Variants in BAZ1B observed in about 807,000 individuals in gnomAD.
BAZ1B encodes the protein tyrosine-protein kinase BAZ1B.
In BAZ1B, 22 loss-of-function variants were observed where a neutral mutation model predicts 153.8. The ratio of observed to expected loss-of-function variants is 0.14; its 90% confidence interval spans 0.10 to 0.20. The LOEUF (loss-of-function observed/expected upper bound fraction) is 0.20. Among genes scored for constraint, BAZ1B ranks in the 10% least tolerant of loss-of-function variants. The pLI, the probability that BAZ1B is intolerant of heterozygous loss-of-function variation, is 1.00. For missense variants in BAZ1B, 1,325 were observed against 1,799.3 expected, an observed-to-expected ratio of 0.74 and a Z score of 4.77; for synonymous variants, 676 against 633.4, an observed-to-expected ratio of 1.07 and a Z score of -1.01.
chr7:73,449,491 C>G (rs368673994), intron 15 of BAZ1B, 51 bp downstream of exon 15: 19 of 1,555,102 alleles, frequency 1.2e-5, no homozygotes, highest in Non-Finnish European at 1.6e-5. Flanking sequence ...TTAATTATAA[C>G]AGCTATTCAT....
At chr7:73,480,347 T>A (rs1554573513) in intron 6 of BAZ1B, among the ~76,000 whole-genome samples, 2 of 152,072 alleles carry the variant, frequency 1.3e-5, no homozygotes, top group African/African-American at 2.4e-5. Flanking sequence ...AGTTAACAGG[T>A]TACAGTCCGG....
chr7:73,505,761 G>A (rs1790312687), intron 3 of BAZ1B, among the ~76,000 whole-genome samples: 2 of 152,180 alleles, frequency 1.3e-5, no homozygotes, highest in South Asian at 2.1e-4. Flanking sequence ...ATGTTGGCCA[G>A]GCTGGTCTCA....
intron 1 of BAZ1B, among the ~76,000 whole-genome samples, chr7:73,511,069 C>T (rs903987228): frequency 6.6e-6 from 1 of 152,042 alleles, no homozygotes; most frequent in Non-Finnish European, 1.5e-5. Flanking sequence ...CAGATCGAGA[C>T]CAGCCTGGCT....
At chr7:73,448,199 G>T (rs1554567053) in intron 15 of BAZ1B, among the ~76,000 whole-genome samples, 1 of 152,172 alleles carries the variant, frequency 6.6e-6, no homozygotes, top group Non-Finnish European at 1.5e-5. Context: ...AGCTACTCGG[G>T]AGGCTGAGGC....
chr7:73,475,225 T>C (rs1554572582), intron 7 of BAZ1B, among the ~76,000 whole-genome samples: 5 of 152,212 alleles, frequency 3.3e-5, no homozygotes, highest in Non-Finnish European at 7.3e-5. Context: ...TCCGAGGTAT[T>C]TACTCTAAAG....
rs1408343663 is a variant in BAZ1B at position 73,469,272 on chromosome 7, AC to A, written c.2866+244del. Among the ~76,000 whole-genome samples, 7 of 152,302 alleles carry A rather than the reference AC, an allele frequency of 4.6e-5. No individual in the cohort carries two copies. The South Asian group carries it at 1.0e-3, about 23-fold the overall frequency. ...GAAAACTGCTCCTATAAAAGCTAAT[AC>A]CCAAATATCCTCATATTCAAGCTCT... On this transcript the variant is annotated intron_variant, in intron 9 of 19. Transcript: ENST00000339594.
intron 5 of BAZ1B, 115 bp downstream of exon 5, chr7:73,492,685 A>T: frequency 4.7e-6 from 5 of 1,054,046 alleles, no homozygotes; most frequent in Non-Finnish European, 6.7e-6. Context: ...ACCACTCAGA[A>T]TCTGCTGTAC....
intron 6 of BAZ1B, among the ~76,000 whole-genome samples, chr7:73,483,123 A>G (rs1225969042): frequency 2.6e-5 from 4 of 152,218 alleles, no homozygotes; most frequent in Non-Finnish European, 5.9e-5. Context: ...CTAAACAGAA[A>G]AAAATATTTA....
In BAZ1B at chr7:73,450,050, CTCTT is replaced by C. The variant is rs1255256471; in HGVS notation, c.3581-365_3581-362del. 1.3e-5 allele frequency among the ~76,000 whole-genome samples: 2 copies of C among 151,066 alleles called. No homozygotes were observed. Among genetic ancestry groups the C allele is most frequent in the East Asian group, 3.9e-4 (2 of 5,160 alleles). On this transcript the variant is annotated intron_variant, in intron 14 of 19. Transcript: ENST00000339594. The surrounding 1 kb of genome is among the most constrained non-coding windows in gnomAD (Gnocchi z 4.1). ...TATGCCTGATGAGTGTTCTCTCTCT[CTCTT>C]TTTTTTTTTTGGAGACAGAGTCTTG...
intron 12 of BAZ1B, among the ~76,000 whole-genome samples, chr7:73,462,204 T>C (rs570668929): frequency 6.6e-6 from 1 of 152,070 alleles, no homozygotes; most frequent in Admixed American, 6.6e-5. Context: ...GCCACTGTAC[T>C]TCAGCCTGGG....
intron 16 of BAZ1B, among the ~76,000 whole-genome samples, chr7:73,446,101 C>T (rs782199754): frequency 5.9e-5 from 9 of 152,128 alleles, no homozygotes; most frequent in South Asian, 2.1e-4. Flanking sequence ...CAGGAGAAGA[C>T]GGGCAAGCCC....
intron 3 of BAZ1B, among the ~76,000 whole-genome samples, chr7:73,500,936 C>T (rs1554577041): frequency 6.7e-6 from 1 of 150,252 alleles, no homozygotes; most frequent in African/African-American, 2.5e-5. Context: ...GCAAAGCAAC[C>T]CTTATGATAA....
chr7:73,482,167 G>A (rs1054412455), intron 6 of BAZ1B, among the ~76,000 whole-genome samples: 6 of 152,172 alleles, frequency 3.9e-5, no homozygotes, highest in African/African-American at 1.4e-4. Context: ...CCATGACTCC[G>A]GGATTACTTT....
At chr7:73,475,354 A>G (rs1788957380) in intron 7 of BAZ1B, among the ~76,000 whole-genome samples, 1 of 152,256 alleles carries the variant, frequency 6.6e-6, no homozygotes, top group Non-Finnish European at 1.5e-5. Flanking sequence ...GAGAAACAAA[A>G]CGTGGTATAT....
At chr7:73,499,837 T>C (rs781995067) in intron 3 of BAZ1B, among the ~76,000 whole-genome samples, 1 of 152,250 alleles carries the variant, frequency 6.6e-6, no homozygotes, top group Non-Finnish European at 1.5e-5. Context: ...GATACTTACA[T>C]AGCCCCTTCA....
chr7:73,488,497 C>T (rs1301162449), intron 6 of BAZ1B, among the ~76,000 whole-genome samples: 2 of 151,910 alleles, frequency 1.3e-5, no homozygotes, highest in African/African-American at 2.4e-5. Flanking sequence ...TTTGGGAGGC[C>T]GAGGCAGGCG....
At chr7:73,459,858 T>C (rs2116274897) in intron 12 of BAZ1B, 140 bp from the exon 13 acceptor site, 4 of 741,452 alleles carry the variant, frequency 5.4e-6, no homozygotes, top group Admixed American at 5.9e-5. Context: ...ATACCATTAA[T>C]TTAACTGTGC....
At chr7:73,447,116 C>T (rs1361860490) in intron 16 of BAZ1B, 148 bp downstream of exon 16, 5 of 1,451,666 alleles carry the variant, frequency 3.4e-6, no homozygotes, top group Non-Finnish European at 4.7e-6. Flanking sequence ...CATTTAAACC[C>T]ATGGCAGCTA....
rs138951386 is a variant in BAZ1B at position 73,447,141 on chromosome 7, C to A, written c.3844+123G>T. On this transcript the variant is annotated intron_variant, in intron 16 of 19. Coordinates refer to ENST00000339594, the MANE Select transcript of BAZ1B (RefSeq NM_032408.4). Reference sequence around the variant, plus strand: ...CATGGCAGCTAAGTTACGCCACAGTCACAACACAAGAGAAAAGGAATAGGG... The same window carrying A: ...CATGGCAGCTAAGTTACGCCACAGTAACAACACAAGAGAAAAGGAATAGGG... 9,867 of 1,560,532 alleles carry A rather than the reference C, an allele frequency of 6.3e-3. 39 individuals are homozygous for A. The highest frequency in any genetic ancestry group is 7.7e-3 in the Non-Finnish European group (8,860 of 1,147,190).
Sources: allele counts gnomAD v4.1 joint callset (sites outside exome capture counted in the v4.1 genomes callset), GRCh38; gene constraint gnomAD v4.1.1; non-coding constraint Gnocchi (gnomAD v3.1); transcripts MANE v1.5; gene names NCBI Gene and HGNC (gene_info 2026-07-23, HGNC 2026-07-21).